The following RNLS variants were observed in gnomAD, a reference collection of about 807,000 sequenced individuals.
The protein encoded by RNLS is renalase, FAD dependent amine oxidase, also known as renalase.
A neutral mutation model predicts 39.8 loss-of-function variants in RNLS; 39 were observed. The ratio of observed to expected loss-of-function variants is 0.98; its 90% CI spans 0.76 to 1.28. The LOEUF is 1.28. RNLS is among the 50% of genes most tolerant of loss of function. RNLS has a pLI of 0.00. For synonymous variants in RNLS, 147 were observed against 150.7 expected, an observed-to-expected ratio of 0.98 and a Z score of 0.18; for missense variants, 410 against 413.3, an observed-to-expected ratio of 0.99 and a Z score of 0.07.
chr10:88,235,577 A>G, the RNLS span, among the ~76,000 whole-genome samples: 1 of 152,316 alleles, frequency 6.6e-6, no homozygotes, highest in Admixed American at 6.5e-5. Flanking sequence ...AATGTGGTCA[A>G]GTCAATTTAT....
the RNLS span, among the ~76,000 whole-genome samples, chr10:88,189,446 C>T: frequency 3.3e-4 from 50 of 152,032 alleles, no homozygotes; most frequent in East Asian, 7.9e-3. Context: ...GAAAACTTAT[C>T]GTGGGGTTTA....
the RNLS span, among the ~76,000 whole-genome samples, chr10:88,257,491 T>C: frequency 6.6e-6 from 1 of 152,156 alleles, no homozygotes; most frequent in African/African-American, 2.4e-5. Flanking sequence ...GCTAGGGTGA[T>C]AGAGTGGGTT....
chr10:88,370,997 A>G (rs941998463), intron 4 of RNLS, among the ~76,000 whole-genome samples: 2 of 152,064 alleles, frequency 1.3e-5, no homozygotes, highest in East Asian at 1.9e-4. Flanking sequence ...AGTTATATCT[A>G]TGTGGGATTT....
intron 4 of RNLS, among the ~76,000 whole-genome samples, chr10:88,540,808 A>G (rs1480797812): frequency 2.0e-5 from 3 of 152,118 alleles, no homozygotes; most frequent in Non-Finnish European, 4.4e-5. Context: ...TGCCACATAT[A>G]GTAGCATATT....
chr10:88,410,980 C>T (rs1211451553), intron 4 of RNLS, among the ~76,000 whole-genome samples: 1 of 152,136 alleles, frequency 6.6e-6, no homozygotes, highest in Non-Finnish European at 1.5e-5. Flanking sequence ...ATGATTTCAA[C>T]ATCATTCTCC....
At chr10:88,184,403 A>G in the RNLS span, among the ~76,000 whole-genome samples, 1 of 152,082 alleles carries the variant, frequency 6.6e-6, no homozygotes, top group African/African-American at 2.4e-5. Flanking sequence ...CAAGTTCTTC[A>G]ATGGGTGTTT....
At chr10:88,187,198 T>TATATATAATATATATATA in the RNLS span, among the ~76,000 whole-genome samples, 360 of 13,774 alleles carry the variant, frequency 0.026, 27 homozygotes, top group Non-Finnish European at 0.037. Context: ...ATATATATAA[T>TATATATAATATATATATA]ATATATATAA....
At chr10:88,276,581 A>C (rs1277369425) in intron 6 of RNLS, among the ~76,000 whole-genome samples, 2 of 152,162 alleles carry the variant, frequency 1.3e-5, no homozygotes, top group Non-Finnish European at 2.9e-5. Flanking sequence ...CAGTTATCAC[A>C]TTAAAGGGCT....
intron 4 of RNLS, among the ~76,000 whole-genome samples, chr10:88,456,067 T>G (rs930148309): frequency 1.3e-5 from 2 of 152,112 alleles, no homozygotes; most frequent in African/African-American, 4.8e-5. Flanking sequence ...TTCTTAAGAT[T>G]TGGAAAGAAA....
intron 4 of RNLS, among the ~76,000 whole-genome samples, chr10:88,425,793 C>A (rs994057084): frequency 6.6e-6 from 1 of 151,704 alleles, no homozygotes; most frequent in Non-Finnish European, 1.5e-5. Flanking sequence ...GAGAAAAAAA[C>A]GTTGATGTGA....
At chr10:88,439,830 T>C (rs925118213) in intron 4 of RNLS, among the ~76,000 whole-genome samples, 1 of 152,210 alleles carries the variant, frequency 6.6e-6, no homozygotes, top group Admixed American at 6.5e-5. Flanking sequence ...ACTGTAAGTT[T>C]CAACTGTCTG....
chr10:88,575,641 G>A (rs1282517974), intron 3 of RNLS, among the ~76,000 whole-genome samples: 1 of 152,040 alleles, frequency 6.6e-6, no homozygotes, highest in Admixed American at 6.6e-5. Context: ...CCTTGTGAAA[G>A]TAATTAATAA....
the RNLS span, among the ~76,000 whole-genome samples, chr10:88,218,383 C>T: frequency 1.3e-5 from 2 of 152,064 alleles, no homozygotes; most frequent in Non-Finnish European, 2.9e-5. Context: ...CCCTTTTCCA[C>T]AATGGTGGGC....
downstream of RNLS, among the ~76,000 whole-genome samples, chr10:88,283,834 G>A (rs1373278831): frequency 6.6e-6 from 1 of 151,970 alleles, no homozygotes; most frequent in Admixed American, 6.6e-5. Context: ...AGGGAGGAGA[G>A]GATCAGGAAA....
chr10:88,219,121 T>G, the RNLS span, among the ~76,000 whole-genome samples: 3 of 152,230 alleles, frequency 2.0e-5, no homozygotes, highest in Non-Finnish European at 4.4e-5. Flanking sequence ...TCTTCCTCTT[T>G]TGTATCTCCA....
the RNLS span, among the ~76,000 whole-genome samples, chr10:88,178,757 T>C: frequency 1.4e-3 from 216 of 152,334 alleles, no homozygotes; most frequent in African/African-American, 5.0e-3. Flanking sequence ...ATCTTGATGA[T>C]CCAGACTACT....
At chr10:88,269,683 A>T (rs1297247589), downstream of RNLS, among the ~76,000 whole-genome samples, 1 of 152,230 alleles carries the variant, frequency 6.6e-6, no homozygotes, top group Non-Finnish European at 1.5e-5. Context: ...AGTCTCCTTT[A>T]TCCATGGCTT....
rs76707226 is a variant in RNLS at position 88,376,277 on chromosome 10, A to G, written c.527-13552T>C. On this transcript the variant is annotated intron_variant, in intron 4 of 6. Coordinates refer to ENST00000331772, the MANE Select transcript of RNLS (RefSeq NM_001031709.3). Reference sequence around the variant, plus strand: ...AGCAATAAACATACCAATGTGTCATATTTTGGGGTGGCATTTCCTGAATCC... The same window carrying G: ...AGCAATAAACATACCAATGTGTCATGTTTTGGGGTGGCATTTCCTGAATCC... Among the ~76,000 whole-genome samples, 1,242 of 152,226 alleles carry G rather than the reference A, an allele frequency of 8.2e-3. 20 individuals are homozygous for G. Among genetic ancestry groups the G allele is most frequent in the South Asian group, 0.029 (142 of 4,820 alleles).
chr10:88,452,830 G>T (rs1013888691), intron 4 of RNLS, among the ~76,000 whole-genome samples: 2 of 152,164 alleles, frequency 1.3e-5, no homozygotes, highest in African/African-American at 4.8e-5. Context: ...CAGGAAATAT[G>T]TTCACCAGTC....
Sources: allele counts gnomAD v4.1 joint callset (sites outside exome capture counted in the v4.1 genomes callset), GRCh38; gene constraint gnomAD v4.1.1; transcripts MANE v1.5; gene names NCBI Gene and HGNC (gene_info 2026-07-23, HGNC 2026-07-21).